The following GTF2IRD1 variants were observed in gnomAD, a reference collection of about 807,000 sequenced individuals.
GTF2IRD1 encodes the protein general transcription factor II-I repeat domain-containing protein 1.
Under a neutral mutation model 113.2 loss-of-function variants are expected in GTF2IRD1, and 26 were observed. That is an observed-to-expected ratio of 0.23 (90% CI 0.17 to 0.32). GTF2IRD1 has a LOEUF of 0.32. Ranked by LOEUF, GTF2IRD1 falls within the 10% of genes least tolerant of loss-of-function variation. The pLI is 1.00. For synonymous variants in GTF2IRD1, 484 were observed against 529.1 expected, an observed-to-expected ratio of 0.91 and a Z score of 1.17; for missense variants, 864 against 1,280.8, an observed-to-expected ratio of 0.67 and a Z score of 4.97.
At chr7:74,464,862 C>T (rs1554330441) in intron 1 of GTF2IRD1, among the ~76,000 whole-genome samples, 2 of 152,190 alleles carry the variant, frequency 1.3e-5, no homozygotes, top group Non-Finnish European at 2.9e-5. Context: ...GCCTCCCACC[C>T]CTACCGGGTT....
chr7:74,549,459 A>C (rs1799161728), intron 17 of GTF2IRD1, among the ~76,000 whole-genome samples: 1 of 152,132 alleles, frequency 6.6e-6, no homozygotes, highest in Non-Finnish European at 1.5e-5. Flanking sequence ...TGGGACAGGG[A>C]GCTCTACTGC....
At chr7:74,559,370 C>T (rs1401849822) in intron 21 of GTF2IRD1, among the ~76,000 whole-genome samples, 3 of 152,230 alleles carry the variant, frequency 2.0e-5, no homozygotes, top group East Asian at 1.9e-4. Context: ...TGCCCAAGGT[C>T]CCGGGGCCAG....
chr7:74,561,988 GGCGTTGGCACCCAA>G (rs1799993021), intron 22 of GTF2IRD1, among the ~76,000 whole-genome samples: 1 of 152,134 alleles, frequency 6.6e-6, no homozygotes, highest in Non-Finnish European at 1.5e-5. Flanking sequence ...CCCCTTTCCA[GGCGTTGGCACCCAA>G]GCCAGGTATC....
In GTF2IRD1 at chr7:74,515,529, C is replaced by G; in HGVS notation, c.354C>G (p.Ser118=). 1.2e-6 allele frequency: 2 copies of G among 1,613,888 alleles called. No homozygotes were observed. The highest frequency in any genetic ancestry group is 1.7e-6 in the Non-Finnish European group (2 of 1,179,824). ...GAGGCCGTAGCCTCCCTCGGTCCTCCCTGGAACATGGCTCAGATGTGTACC... is the reference window on the plus strand; with the variant it reads ...GAGGCCGTAGCCTCCCTCGGTCCTCGCTGGAACATGGCTCAGATGTGTACC... ...EGGGRSLPRS[S]LEHGSDVYLL... The change falls in exon 4 of 27, where the codon TCC becomes TCG. Residue 118 remains serine, a synonymous_variant. Transcript: ENST00000424337.
chr7:74,598,100 G>C (rs1325542517), intron 25 of GTF2IRD1, among the ~76,000 whole-genome samples: 1 of 152,142 alleles, frequency 6.6e-6, no homozygotes, highest in African/African-American at 2.4e-5. Flanking sequence ...GCGCGTACCT[G>C]TTGTCCCAGA....
At chr7:74,501,944 G>T (rs541623163) in intron 1 of GTF2IRD1, among the ~76,000 whole-genome samples, 1 of 152,020 alleles carries the variant, frequency 6.6e-6, no homozygotes, top group Non-Finnish European at 1.5e-5. Flanking sequence ...GAGCTACCGC[G>T]CCTGGCCTTT....
chr7:74,476,730 G>A (rs1475451062), intron 1 of GTF2IRD1, among the ~76,000 whole-genome samples: 1 of 152,112 alleles, frequency 6.6e-6, no homozygotes, highest in African/African-American at 2.4e-5. Context: ...TTTGGGGCCA[G>A]TGCTCCTGGG....
intron 25 of GTF2IRD1, among the ~76,000 whole-genome samples, chr7:74,598,493 G>C (rs1222434874): frequency 6.6e-6 from 1 of 151,814 alleles, no homozygotes; most frequent in African/African-American, 2.4e-5. Flanking sequence ...GTGGGCGCCT[G>C]TAATCCCAGC....
intron 1 of GTF2IRD1, among the ~76,000 whole-genome samples, chr7:74,479,203 C>T (rs143008121): frequency 8.5e-5 from 13 of 152,308 alleles, no homozygotes; most frequent in Non-Finnish European, 1.5e-4. Context: ...CCCTCACTGC[C>T]CACGTCTCAC....
At chr7:74,545,871 C>A in intron 16 of GTF2IRD1, 62 bp downstream of exon 16, 2 of 1,255,052 alleles carry the variant, frequency 1.6e-6, no homozygotes, top group African/African-American at 1.5e-5. Context: ...GCCCTGTTTG[C>A]AGAAGGGCTT....
chr7:74,560,548 A>T (rs1366575175), intron 22 of GTF2IRD1, among the ~76,000 whole-genome samples: 7 of 147,288 alleles, frequency 4.8e-5, no homozygotes, highest in Middle Eastern at 3.6e-3. Flanking sequence ...ATATATAATT[A>T]AAAATATTAT....
rs570804168 is a variant in GTF2IRD1 at position 74,469,655 on chromosome 7, A to G, written c.-7+15479A>G. 2.6e-5 allele frequency among the ~76,000 whole-genome samples: 4 copies of G among 152,234 alleles called. No homozygotes were observed. In the South Asian group the frequency reaches 8.3e-4, roughly 32 times the overall value. ...TAATATTCCATTTAATGGATAGATCATATTTATCTGTTCATCAGTTATGGA... is the reference window on the plus strand; with the variant it reads ...TAATATTCCATTTAATGGATAGATCGTATTTATCTGTTCATCAGTTATGGA... On this transcript the variant is annotated intron_variant, in intron 1 of 26. Transcript: ENST00000424337.
intron 10 of GTF2IRD1, among the ~76,000 whole-genome samples, chr7:74,535,799 A>C (rs1798259200): frequency 6.6e-6 from 1 of 152,186 alleles, no homozygotes; most frequent in Admixed American, 6.5e-5. Flanking sequence ...GCACGATGAC[A>C]TGAGAGCCTG....
At chr7:74,598,283 C>A (rs1312542091) in intron 25 of GTF2IRD1, among the ~76,000 whole-genome samples, 1 of 151,640 alleles carries the variant, frequency 6.6e-6, no homozygotes, top group African/African-American at 2.4e-5. Flanking sequence ...GATCTGGAGG[C>A]GATTTGGTTT....
intron 22 of GTF2IRD1, among the ~76,000 whole-genome samples, chr7:74,584,682 A>G (rs1439417600): frequency 6.6e-5 from 10 of 152,160 alleles, no homozygotes; most frequent in South Asian, 2.1e-4. Flanking sequence ...GTGGCCTTCT[A>G]TCTTGCAGCC....
chr7:74,531,032 G>A (rs1015029907), intron 9 of GTF2IRD1, among the ~76,000 whole-genome samples: 3 of 152,014 alleles, frequency 2.0e-5, no homozygotes, highest in African/African-American at 7.2e-5. Context: ...TCGTGCCACT[G>A]CACTCCAGCC....
chr7:74,585,195 C>T (rs1429612061), intron 22 of GTF2IRD1, among the ~76,000 whole-genome samples: 1 of 151,094 alleles, frequency 6.6e-6, no homozygotes, highest in Admixed American at 6.6e-5. Context: ...TCACTGCAAC[C>T]TCCACCTCCC....
intron 6 of GTF2IRD1, among the ~76,000 whole-genome samples, chr7:74,519,937 T>G (rs1554345566): frequency 1.3e-5 from 2 of 151,670 alleles, no homozygotes; most frequent in African/African-American, 4.8e-5. Context: ...TCCTTGGCCT[T>G]GGACTAAGAG....
rs1233586213 is a variant in GTF2IRD1 at position 74,512,503 on chromosome 7, C to T, written c.124-327C>T. 2.6e-5 allele frequency among the ~76,000 whole-genome samples: 4 copies of T among 152,130 alleles called. No homozygotes were observed. The highest frequency in any genetic ancestry group is 2.0e-4 in the Admixed American group (3 of 15,270). On this transcript the variant is annotated intron_variant, in intron 2 of 26. Coordinates refer to ENST00000424337, the MANE Select transcript of GTF2IRD1 (RefSeq NM_005685.4). This position sits in a 1 kb window ranked among gnomAD's most constrained non-coding sequence, Gnocchi z 4.4. ...CAGTTCTTCCCACCTCCTCCTCATC[C>T]AGGACTTGAGAGGGGCCAAGAAAAC...
Sources: allele counts gnomAD v4.1 joint callset (sites outside exome capture counted in the v4.1 genomes callset), GRCh38; gene constraint gnomAD v4.1.1; non-coding constraint Gnocchi (gnomAD v3.1); transcripts MANE v1.5; gene names NCBI Gene and HGNC (gene_info 2026-07-23, HGNC 2026-07-21).